CPHXL2: variants seen among roughly 807,000 people sequenced by gnomAD.
CPHXL2 encodes the protein cytoplasmic polyadenylated homeobox-like protein 2.
the CPHXL2 span, among the ~76,000 whole-genome samples, chr16:75,663,752 G>A: frequency 6.6e-6 from 1 of 151,918 alleles, no homozygotes; most frequent in South Asian, 2.1e-4. Flanking sequence ...CGGGCATGGT[G>A]GCGGGCACCT....
chr16:75,669,565 A>C, the CPHXL2 span: 335 of 398,746 alleles, frequency 8.4e-4, 2 homozygotes, highest in South Asian at 5.6e-3. Flanking sequence ...AGCTGACAAA[A>C]GTATAAGTAG....
the CPHXL2 span, among the ~76,000 whole-genome samples, chr16:75,671,399 T>G: frequency 8.0e-5 from 12 of 150,738 alleles, no homozygotes; most frequent in Non-Finnish European, 1.5e-5. Context: ...CCTTTCCAGA[T>G]CAGAATTCTC....
the CPHXL2 span, among the ~76,000 whole-genome samples, chr16:75,666,228 T>G: frequency 6.6e-6 from 1 of 152,106 alleles, no homozygotes; most frequent in South Asian, 2.1e-4. Context: ...AACAGGAAAA[T>G]ATCACAATCC....
chr16:75,665,942 A>G, the CPHXL2 span, among the ~76,000 whole-genome samples: 1 of 152,186 alleles, frequency 6.6e-6, no homozygotes, highest in Non-Finnish European at 1.5e-5. Flanking sequence ...CAATACTAAC[A>G]TTGAATGTAA....
the CPHXL2 span, among the ~76,000 whole-genome samples, chr16:75,674,819 C>G: frequency 6.6e-6 from 1 of 151,620 alleles, no homozygotes; most frequent in Non-Finnish European, 1.5e-5. Context: ...AAGCGATTCT[C>G]CTGCCTCAGA....
the CPHXL2 span, among the ~76,000 whole-genome samples, chr16:75,676,284 A>G: frequency 6.6e-6 from 1 of 152,122 alleles, no homozygotes; most frequent in African/African-American, 2.4e-5. Flanking sequence ...ACAGAATAAA[A>G]AACTGCCATA....
the CPHXL2 span, among the ~76,000 whole-genome samples, chr16:75,674,700 A>G: frequency 6.6e-6 from 1 of 151,978 alleles, no homozygotes; most frequent in Non-Finnish European, 1.5e-5. Context: ...TACTATATAT[A>G]TATGCAATAC....
At chr16:75,675,063 C>T in the CPHXL2 span, among the ~76,000 whole-genome samples, 99 of 150,644 alleles carry the variant, frequency 6.6e-4, no homozygotes, top group Non-Finnish European at 1.1e-3. Flanking sequence ...GTGGTGGGCA[C>T]CTGTAGTCAC....
the CPHXL2 span, among the ~76,000 whole-genome samples, chr16:75,670,861 C>G: frequency 6.6e-6 from 1 of 152,252 alleles, no homozygotes; most frequent in East Asian, 1.9e-4. Flanking sequence ...AAATTTATTC[C>G]TGACATCGCT....
the CPHXL2 span, among the ~76,000 whole-genome samples, chr16:75,675,531 A>C: frequency 3.4e-4 from 51 of 152,070 alleles, no homozygotes; most frequent in African/African-American, 1.2e-3. Context: ...AGGGAACAAA[A>C]ATTCACCGAA....
At chr16:75,673,104 A>C in the CPHXL2 span, among the ~76,000 whole-genome samples, 1 of 151,084 alleles carries the variant, frequency 6.6e-6, no homozygotes, top group African/African-American at 2.4e-5. Flanking sequence ...AAAGACAAAA[A>C]AAAGAAAAAG....
chr16:75,671,892 T>G, the CPHXL2 span, among the ~76,000 whole-genome samples: 3 of 152,134 alleles, frequency 2.0e-5, no homozygotes, highest in Admixed American at 2.0e-4. Flanking sequence ...CTTGCAGCCA[T>G]GTAAGGATGG....
the CPHXL2 span, among the ~76,000 whole-genome samples, chr16:75,671,252 C>T: frequency 2.7e-5 from 4 of 150,668 alleles, no homozygotes; most frequent in Non-Finnish European, 5.9e-5. Flanking sequence ...CCCAGCTATT[C>T]GGGAGGTTGA....
the CPHXL2 span, among the ~76,000 whole-genome samples, chr16:75,668,227 A>T: frequency 1.1e-4 from 10 of 94,070 alleles, no homozygotes; most frequent in African/African-American, 1.4e-3. Flanking sequence ...ATATATACAT[A>T]TATATTTTTT....
At chr16:75,670,051 A>C in the CPHXL2 span, among the ~76,000 whole-genome samples, 3 of 152,108 alleles carry the variant, frequency 2.0e-5, no homozygotes, top group Non-Finnish European at 2.9e-5. Flanking sequence ...AGTAGCTGGG[A>C]TTACAGGCAC....
chr16:75,671,648 AAAC>A, the CPHXL2 span, among the ~76,000 whole-genome samples: 5 of 152,200 alleles, frequency 3.3e-5, no homozygotes, highest in Non-Finnish European at 4.4e-5. Flanking sequence ...GGCTGATTGA[AAAC>A]AAAAAACCCC....
chr16:75,660,599 C>T, the CPHXL2 span: 1 of 398,512 alleles, frequency 2.5e-6, no homozygotes. Context: ...GTGGGTGATA[C>T]TGCCAATCAT....
the CPHXL2 span, among the ~76,000 whole-genome samples, chr16:75,664,987 A>G: frequency 6.6e-6 from 1 of 152,150 alleles, no homozygotes; most frequent in South Asian, 2.1e-4. Flanking sequence ...AAATCACTCA[A>G]TTTCAGATAT....
At chr16:75,668,905 A>C in the CPHXL2 span, among the ~76,000 whole-genome samples, 16 of 152,044 alleles carry the variant, frequency 1.1e-4, no homozygotes, top group African/African-American at 3.4e-4. Context: ...GTGGATGTGG[A>C]GGATTAATTG....
Sources: allele counts gnomAD v4.1 joint callset (sites outside exome capture counted in the v4.1 genomes callset), GRCh38; gene constraint gnomAD v4.1.1; transcripts MANE v1.5; gene names NCBI Gene and HGNC (gene_info 2026-07-23, HGNC 2026-07-21).